The following TERF2 variants were observed in gnomAD, a reference collection of about 807,000 sequenced individuals.
The protein encoded by TERF2 is telomeric repeat binding factor 2.
Under a neutral mutation model 56.1 loss-of-function variants are expected in TERF2, and 16 were observed. The observed-to-expected ratio is 0.29, with a 90% CI of 0.19 to 0.43. The LOEUF is 0.43. Among genes scored for constraint, TERF2 ranks in the 20% least tolerant of loss-of-function variants. The pLI, the probability that TERF2 is intolerant of heterozygous loss-of-function variation, is 1.00. For missense variants in TERF2, 547 were observed against 712.9 expected (o/e 0.77, Z 2.65); for synonymous variants, 296 against 282.1 (o/e 1.05, Z -0.50).
chr16:69,369,447 C>T lies in TERF2; in HGVS notation c.841-965G>A, dbSNP rs144807222. Among the ~76,000 whole-genome samples the T allele has an allele frequency of 2.3e-3, 345 of 152,208 alleles. 2 individuals are homozygous for T. The highest frequency in any genetic ancestry group is 7.8e-3 in the African/African-American group (323 of 41,528). On this transcript the variant is annotated intron_variant, in intron 5 of 9. Coordinates refer to ENST00000254942, the MANE Select transcript of TERF2 (RefSeq NM_005652.5). The stretch of plus-strand genomic sequence containing the variant: ...CCAAGTAGCTGGGACTACAGGCACG[C>T]GCCACCACACCTGGCTAATTTTTGT...
chr16:69,358,136 C>T lies in TERF2; in HGVS notation c.1427-575G>A, dbSNP rs1382221547. 3.9e-5 allele frequency among the ~76,000 whole-genome samples: 6 copies of T among 152,204 alleles called. No homozygotes were observed. The East Asian group carries it at 1.2e-3, about 29-fold the overall frequency. On this transcript the variant is annotated intron_variant, in intron 8 of 9. Coordinates refer to ENST00000254942, the MANE Select transcript of TERF2 (RefSeq NM_005652.5). Reference sequence around the variant, plus strand: ...CACACCATTCTCCTGCCTCAGCCTCCCGAGTAGCTGGGACTACAGGCGCCC... The same window carrying T: ...CACACCATTCTCCTGCCTCAGCCTCTCGAGTAGCTGGGACTACAGGCGCCC...
intron 7 of TERF2, among the ~76,000 whole-genome samples, chr16:69,362,808 C>T (rs888024867): frequency 6.6e-6 from 1 of 152,166 alleles, no homozygotes; most frequent in Admixed American, 6.5e-5. Flanking sequence ...TGTCTGAATT[C>T]AGAGTCTTGA....
At position 69,370,638 on chromosome 16, in the gene TERF2, T is replaced by C. The variant is rs759217410; in HGVS notation, c.694-9A>G. 1 of 1,595,304 alleles carries C rather than the reference T, an allele frequency of 6.3e-7. No individual in the cohort carries two copies. ...AGATCATTTCTCAGCTTCTACACAATGGACCGATATTTGCAACATGAGAAA... is the reference window on the plus strand; with the variant it reads ...AGATCATTTCTCAGCTTCTACACAACGGACCGATATTTGCAACATGAGAAA... On this transcript the variant is annotated splice_polypyrimidine_tract_variant and intron_variant, in intron 4 of 9. Coordinates refer to ENST00000254942, the MANE Select transcript of TERF2 (RefSeq NM_005652.5).
At chr16:69,385,316 T>C in intron 2 of TERF2, 75 bp downstream of exon 2, 1 of 1,287,576 alleles carries the variant, frequency 7.8e-7, no homozygotes, top group Middle Eastern at 1.8e-4. Flanking sequence ...CCTGGAATCC[T>C]TCAGTTCTAG....
At chr16:69,372,549 C>T (rs943706110) in intron 3 of TERF2, among the ~76,000 whole-genome samples, 194 bp from the exon 4 acceptor site, 4 of 151,956 alleles carry the variant, frequency 2.6e-5, no homozygotes, top group South Asian at 2.1e-4. Context: ...GATCACCTGA[C>T]GTCGGGAGTT....
intron 4 of TERF2, among the ~76,000 whole-genome samples, chr16:69,371,015 ACAC>A (rs969723946): frequency 6.6e-6 from 1 of 151,792 alleles, no homozygotes; most frequent in Non-Finnish European, 1.5e-5. Context: ...ACACACACAC[ACAC>A]AATTTGCTTG....
intron 8 of TERF2, 117 bp from the exon 9 acceptor site, chr16:69,357,678 G>C (rs989944697): frequency 8.4e-7 from 1 of 1,190,644 alleles, no homozygotes; most frequent in African/African-American, 1.5e-5. Context: ...CAAGCATTGA[G>C]AAGAGAAAGG....
chr16:69,368,715 C>T (rs997869541), intron 5 of TERF2: 4 of 1,001,318 alleles, frequency 4.0e-6, no homozygotes, highest in Admixed American at 2.3e-5. Flanking sequence ...CTTGCTCTGT[C>T]GCCCAGGCTG....
rs2012929095 is a variant in TERF2, at chr16:69,356,952, T to C, written c.1575A>G (p.Thr525=). 6.2e-7 allele frequency: 1 copy of C among 1,614,078 alleles called. No homozygotes were observed. The highest frequency in any genetic ancestry group is 1.3e-5 in the African/African-American group (1 of 74,932). Residue 525 remains threonine (T), a synonymous_variant, in exon 10 of 10, where the codon ACA becomes ACG. Transcript: ENST00000254942. ...ISKNYPFVNR[T]AVMIKDRWRT... ...GCCAGCGATCCTTAATCATCACAGC[T>C]GTTCGGTTAACAAATGGGTAATTTT...
intron 4 of TERF2, among the ~76,000 whole-genome samples, 165 bp from the exon 5 acceptor site, chr16:69,370,794 A>G (rs2013540451): frequency 6.6e-6 from 1 of 152,204 alleles, no homozygotes; most frequent in Non-Finnish European, 1.5e-5. Flanking sequence ...TGGTCAATAA[A>G]TCAGGTTCAG....
chr16:69,385,729 C>A lies in TERF2; in HGVS notation c.243G>T (p.Ala81=). Residue 81 remains alanine, a synonymous_variant, in exon 1 of 10, where the codon GCG becomes GCT. Coordinates refer to ENST00000254942, the MANE Select transcript of TERF2 (RefSeq NM_005652.5). ...GCCGTGCCTCCCCCGCGCCGCGCTC[C>A]GCCGGGCCCCCCAGCCCCGGCTCGT... ...GRHEPGLGGP[A]ERGAGEARLE... 6.4e-7 allele frequency: 1 copy of A among 1,558,822 alleles called. No homozygotes were observed. The highest frequency in any genetic ancestry group is 1.2e-5 in the South Asian group (1 of 84,798).
chr16:69,370,994 TACACACAC>T (rs113222809), intron 4 of TERF2, among the ~76,000 whole-genome samples: 1 of 147,678 alleles, frequency 6.8e-6, no homozygotes. Flanking sequence ...TGGATGTCTG[TACACACAC>T]ACACACACAC....
chr16:69,361,665 A>T (rs2013145831), intron 7 of TERF2, among the ~76,000 whole-genome samples, 176 bp from the exon 8 acceptor site: 1 of 152,084 alleles, frequency 6.6e-6, no homozygotes, highest in South Asian at 2.1e-4. Context: ...CTGGCCAGGC[A>T]TCTCCACGTA....
rs1270040303 is a variant in TERF2 at position 69,385,882 on chromosome 16, G to C, written c.90C>G (p.Gly30=). 4 of 1,372,618 alleles carry C rather than the reference G, an allele frequency of 2.9e-6. No individual in the cohort carries two copies. Among genetic ancestry groups the C allele is most frequent in the Admixed American group, 3.0e-5 (1 of 33,086 alleles). The allele number at this position is 1,372,618 out of a possible 1,614,324, so 85.0% of individuals were successfully genotyped here. The change falls in exon 1 of 10, where the codon GGC becomes GGG. Residue 30 remains glycine, a synonymous_variant. Transcript: ENST00000254942. The part of the protein sequence containing the change: ...PAASQPRKRP[G]REGGEGARRS... Reference sequence around the variant, plus strand: ...GCCGCGCGCCCTCCCCGCCCTCCCGGCCGGGCCGCTTCCTCGGCTGTGACG... The same window carrying C: ...GCCGCGCGCCCTCCCCGCCCTCCCGCCCGGGCCGCTTCCTCGGCTGTGACG...
At chr16:69,370,198 T>G in intron 5 of TERF2, 1 of 398,538 alleles carries the variant, frequency 2.5e-6, no homozygotes, top group Non-Finnish European at 4.5e-6. Flanking sequence ...GCCCAGCTAA[T>G]TTTTATATTT....
At chr16:69,364,309 C>T (rs2013258798) in intron 7 of TERF2, among the ~76,000 whole-genome samples, 1 of 152,142 alleles carries the variant, frequency 6.6e-6, no homozygotes, top group South Asian at 2.1e-4. Context: ...CTCCCTCCCT[C>T]CCTTCCCTGA....
chr16:69,367,767 GA>G (rs1367125881), intron 6 of TERF2, among the ~76,000 whole-genome samples: 4 of 152,048 alleles, frequency 2.6e-5, no homozygotes, highest in East Asian at 1.9e-4. Context: ...TAACCAACAT[GA>G]AAAAAAATTT....
chr16:69,371,500 CAA>C (rs778947462), intron 4 of TERF2, among the ~76,000 whole-genome samples: 8 of 42,056 alleles, frequency 1.9e-4, no homozygotes, highest in Admixed American at 2.7e-4. Flanking sequence ...GACTCCATCT[CAA>C]AAAAAAAAAA....
In TERF2 at chr16:69,356,887, G is replaced by T; in HGVS notation, c.*11C>A. 1 of 1,606,008 alleles carries T rather than the reference G, an allele frequency of 6.2e-7. No individual in the cohort carries two copies. Among genetic ancestry groups the T allele is most frequent in the Non-Finnish European group, 8.5e-7 (1 of 1,176,122 alleles). ...ATGCTCCTGTGAATTCTGTGGAAAT[G>T]AAAGCCTGTTTCAGTTCATGCCAAG... is the stretch of plus-strand genomic sequence containing the variant. On this transcript the variant is annotated 3_prime_UTR_variant, in exon 10 of 10. Transcript: ENST00000254942.
Sources: allele counts gnomAD v4.1 joint callset (sites outside exome capture counted in the v4.1 genomes callset), GRCh38; gene constraint gnomAD v4.1.1; transcripts MANE v1.5; gene names NCBI Gene and HGNC (gene_info 2026-07-23, HGNC 2026-07-21).